The following BCKDHB variants were observed in gnomAD, a reference collection of about 807,000 sequenced individuals.
BCKDHB encodes the protein 2-oxoisovalerate dehydrogenase subunit beta, mitochondrial.
BCKDHB carries 41 observed loss-of-function variants against 48.5 expected under a neutral mutation model. The observed-to-expected ratio is 0.85, with a 90% CI of 0.66 to 1.10. BCKDHB has a LOEUF of 1.10. Ranked by LOEUF, BCKDHB falls within the 50% of genes least tolerant of loss-of-function variation. BCKDHB has a pLI of 0.00. For missense variants in BCKDHB, 496 were observed against 494.2 expected (o/e 1.00, Z -0.03); for synonymous variants, 201 against 174.8 (o/e 1.15, Z -1.18).
chr6:80,381,298 C>T, the BCKDHB span, among the ~76,000 whole-genome samples: 1 of 151,914 alleles, frequency 6.6e-6, no homozygotes, highest in Non-Finnish European at 1.5e-5. Context: ...GTTCTATATG[C>T]TAACATGTTT....
intron 3 of BCKDHB, among the ~76,000 whole-genome samples, chr6:80,156,490 G>T (rs1554187807): frequency 3.3e-5 from 5 of 152,122 alleles, no homozygotes; most frequent in Non-Finnish European, 7.4e-5. Flanking sequence ...ACAATCATTA[G>T]AAGTAAGTGT....
Position 80,320,848 on chromosome 6 carries a change from T to C in BCKDHB, c.1039-22816T>C, listed in dbSNP as rs141349593. Among the ~76,000 whole-genome samples, 448 of 152,322 alleles carry C rather than the reference T, an allele frequency of 2.9e-3. 1 individual carries two copies. The highest frequency in any genetic ancestry group is 3.5e-3 in the Non-Finnish European group (238 of 68,030). On this transcript the variant is annotated intron_variant, in intron 9 of 9. Coordinates refer to ENST00000320393, the MANE Select transcript of BCKDHB (RefSeq NM_183050.4). ...ACTTATACATGTACAACAATGGCCA[T>C]ATTTCTGAAATGTAAATGAAAGTAT...
At chr6:80,163,311 CT>C (rs34383985) in intron 3 of BCKDHB, among the ~76,000 whole-genome samples, 85,526 of 137,894 alleles carry the variant, frequency 0.62, 26,231 homozygotes, top group East Asian at 0.77. Flanking sequence ...TGCAATTAAG[CT>C]TTTTTTTTTT....
the BCKDHB span, among the ~76,000 whole-genome samples, chr6:80,409,865 G>C: frequency 6.6e-6 from 1 of 151,626 alleles, no homozygotes; most frequent in East Asian, 2.0e-4. Flanking sequence ...GATGGTTCTT[G>C]ATTCTTTATC....
At chr6:80,290,285 A>G (rs1050719207) in intron 9 of BCKDHB, among the ~76,000 whole-genome samples, 2 of 152,188 alleles carry the variant, frequency 1.3e-5, no homozygotes, top group African/African-American at 4.8e-5. Flanking sequence ...GCCTACCTCC[A>G]CAGAGTTGAT....
In BCKDHB at chr6:80,167,779, T is replaced by C; in HGVS notation, c.445T>C (p.Phe149Leu). The C allele has an allele frequency of 6.2e-7, 1 of 1,613,980 alleles. No individual in the cohort carries two copies. The highest frequency in any genetic ancestry group is 1.1e-5 in the South Asian group (1 of 91,068). The stretch of plus-strand genomic sequence containing the variant: ...AGCTACTGCCATTGCGGAAATTCAG[T>C]TTGCAGATTATATTTTCCCTGCATT... ...TGATAIAEIQ[F>L]ADYIFPAFDQ... Residue 149 changes from phenylalanine to leucine, a missense_variant, in exon 4 of 10, where the codon TTT (phenylalanine) becomes CTT (leucine). Phe to Leu is a conservative substitution (Grantham distance 22). Transcript: ENST00000320393.
At chr6:80,206,587 C>A (rs182495484) in intron 8 of BCKDHB, among the ~76,000 whole-genome samples, 1 of 150,994 alleles carries the variant, frequency 6.6e-6, no homozygotes, top group East Asian at 1.9e-4. Flanking sequence ...GTATATGGAT[C>A]AAGTAAACTT....
the BCKDHB span, among the ~76,000 whole-genome samples, chr6:80,399,873 A>T: frequency 6.6e-6 from 1 of 152,172 alleles, no homozygotes; most frequent in Admixed American, 6.6e-5. Context: ...TGGTATTGGT[A>T]CAAAACCAGA....
At chr6:80,200,629 A>T (rs1481792751) in intron 6 of BCKDHB, among the ~76,000 whole-genome samples, 1 of 152,202 alleles carries the variant, frequency 6.6e-6, no homozygotes, top group Non-Finnish European at 1.5e-5. Flanking sequence ...ATAGTTAATA[A>T]ACCAATATTG....
downstream of BCKDHB, among the ~76,000 whole-genome samples, chr6:80,348,436 T>A (rs1770301878): frequency 6.6e-6 from 1 of 152,194 alleles, no homozygotes; most frequent in Non-Finnish European, 1.5e-5. Flanking sequence ...CACTGCTGTT[T>A]GTTTAGAGAA....
chr6:80,251,318 C>T (rs1273097235), intron 8 of BCKDHB, among the ~76,000 whole-genome samples: 1 of 152,160 alleles, frequency 6.6e-6, no homozygotes, highest in Non-Finnish European at 1.5e-5. Context: ...TTTTGCTCTC[C>T]ATGCAAATGG....
At chr6:80,359,424 TC>T in the BCKDHB span, among the ~76,000 whole-genome samples, 5 of 152,184 alleles carry the variant, frequency 3.3e-5, no homozygotes, top group African/African-American at 1.2e-4. Context: ...GGGACTTTCT[TC>T]CTTGGAAACT....
In BCKDHB at chr6:80,106,678, C is replaced by T. The variant is rs1437182648; in HGVS notation, c.-16C>T. ...CGTGCGGCTGCATAGCCTGAGAATC[C>T]CGGTGGTGAGCGGGGATGGCGGTTG... On this transcript the variant is annotated 5_prime_UTR_variant, in exon 1 of 10. Coordinates refer to ENST00000320393, the MANE Select transcript of BCKDHB (RefSeq NM_183050.4). 1.3e-6 allele frequency: 2 copies of T among 1,550,214 alleles called. No individual in the cohort carries two copies.
chr6:80,215,512 G>A (rs1039972289), intron 8 of BCKDHB, among the ~76,000 whole-genome samples: 6 of 152,196 alleles, frequency 3.9e-5, no homozygotes, highest in African/African-American at 1.4e-4. Context: ...GAGTCCTGAA[G>A]AGTTTAGAAT....
chr6:80,407,629 G>A, the BCKDHB span, among the ~76,000 whole-genome samples: 3 of 152,184 alleles, frequency 2.0e-5, no homozygotes, highest in South Asian at 6.2e-4. Flanking sequence ...GTGAATGGGA[G>A]CTCACTCATG....
At chr6:80,377,462 G>C in the BCKDHB span, among the ~76,000 whole-genome samples, 2 of 152,062 alleles carry the variant, frequency 1.3e-5, no homozygotes, top group Admixed American at 1.3e-4. Flanking sequence ...TTTCTTCTAA[G>C]AGTTTTACAG....
chr6:80,169,172 G>T, intron 5 of BCKDHB, 142 bp downstream of exon 5: 1 of 1,157,658 alleles, frequency 8.6e-7, no homozygotes, highest in Admixed American at 2.2e-5. Context: ...ATTTAAGAAG[G>T]GGAGGTTAGC....
At chr6:80,138,921 A>G (rs1240713190) in intron 3 of BCKDHB, among the ~76,000 whole-genome samples, 2 of 152,226 alleles carry the variant, frequency 1.3e-5, no homozygotes, top group African/African-American at 4.8e-5. Flanking sequence ...TCCCAGCAAC[A>G]GTGTAAAAGT....
the BCKDHB span, among the ~76,000 whole-genome samples, chr6:80,436,794 T>A: frequency 1.3e-5 from 2 of 152,214 alleles, no homozygotes; most frequent in East Asian, 3.8e-4. Context: ...GATCCATGAT[T>A]ATATGTTGAA....
Sources: allele counts gnomAD v4.1 joint callset (sites outside exome capture counted in the v4.1 genomes callset), GRCh38; gene constraint gnomAD v4.1.1; transcripts MANE v1.5; gene names NCBI Gene and HGNC (gene_info 2026-07-23, HGNC 2026-07-21).